The following DCC variants were observed in gnomAD, a reference collection of about 807,000 sequenced individuals.
DCC encodes netrin receptor DCC.
A neutral mutation model predicts 172.5 loss-of-function variants in DCC; 58 were observed. The observed-to-expected ratio is 0.34, with a 90% confidence interval of 0.27 to 0.42. The LOEUF is 0.42. Ranked by LOEUF, DCC falls within the 10% of genes least tolerant of loss-of-function variation. The probability of loss-of-function intolerance (pLI) is 1.00; values close to 1 mark genes in which losing one functional copy is unlikely to be tolerated. For missense variants in DCC, 1,740 were observed against 1,791.0 expected, an observed-to-expected ratio of 0.97 and a Z score of 0.51; for synonymous variants, 709 against 644.5, an observed-to-expected ratio of 1.10 and a Z score of -1.52.
chr18:53,059,101 C>T (rs765221730), intron 5 of DCC, among the ~76,000 whole-genome samples: 4 of 151,876 alleles, frequency 2.6e-5, no homozygotes, highest in African/African-American at 9.7e-5. Context: ...AAGTGTGGAG[C>T]CAAAGGGGGA....
chr18:52,878,486 C>G (rs2145398755), intron 2 of DCC, among the ~76,000 whole-genome samples: 1 of 152,166 alleles, frequency 6.6e-6, no homozygotes, highest in Admixed American at 6.5e-5. Context: ...CCCAAGGTAT[C>G]CTCATATTTA....
intron 25 of DCC, among the ~76,000 whole-genome samples, chr18:53,481,528 A>C (rs2045831684): frequency 6.6e-6 from 1 of 152,168 alleles, no homozygotes; most frequent in Admixed American, 6.6e-5. Context: ...ATAGAGGCTA[A>C]ATTTCCAAAT....
At chr18:52,687,580 G>A (rs939197026) in intron 1 of DCC, among the ~76,000 whole-genome samples, 3 of 152,072 alleles carry the variant, frequency 2.0e-5, no homozygotes, top group African/African-American at 7.2e-5. Context: ...TATTTTTAAA[G>A]TGTGTAGATA....
At chr18:52,944,890 A>T (rs1318476834) in intron 5 of DCC, among the ~76,000 whole-genome samples, 1 of 152,178 alleles carries the variant, frequency 6.6e-6, no homozygotes, top group East Asian at 1.9e-4. Context: ...GAGTATCCAA[A>T]GTTTTAGTTG....
intron 7 of DCC, among the ~76,000 whole-genome samples, chr18:53,092,871 G>A (rs2043034050): frequency 6.6e-6 from 1 of 151,296 alleles, no homozygotes; most frequent in African/African-American, 2.5e-5. Context: ...ATTCAAACAT[G>A]TACACACACA....
At chr18:53,039,701 G>A (rs1347237202) in intron 5 of DCC, among the ~76,000 whole-genome samples, 2 of 151,836 alleles carry the variant, frequency 1.3e-5, no homozygotes, top group African/African-American at 4.8e-5. Context: ...TAGGTTATTG[G>A]TCATTATGTC....
chr18:53,140,174 T>C (rs1435278217), intron 7 of DCC, among the ~76,000 whole-genome samples: 1 of 152,226 alleles, frequency 6.6e-6, no homozygotes, highest in Non-Finnish European at 1.5e-5. Context: ...ATTCTTTTCA[T>C]ATCCTTCAAA....
chr18:53,059,894 A>C (rs1434834488), intron 5 of DCC, among the ~76,000 whole-genome samples: 2 of 152,102 alleles, frequency 1.3e-5, no homozygotes, highest in Admixed American at 6.6e-5. Flanking sequence ...GCATTGTACT[A>C]GGCATTGAGA....
rs187201464 is a variant in DCC, at chr18:52,478,481, A to G, written c.91+137603A>G. Among the ~76,000 whole-genome samples, 7 of 152,312 alleles carry G rather than the reference A, an allele frequency of 4.6e-5. No individual in the cohort carries two copies. In the East Asian group the frequency reaches 9.6e-4, roughly 21 times the overall value. On this transcript the variant is annotated intron_variant, in intron 1 of 28. Coordinates refer to ENST00000442544, the MANE Select transcript of DCC (RefSeq NM_005215.4). ...GTTCAGTGTTTACTGGGCACTTATTATATGCAAAGGCACTGTATTAGGCCA... is the reference window on the plus strand; with the variant it reads ...GTTCAGTGTTTACTGGGCACTTATTGTATGCAAAGGCACTGTATTAGGCCA...
chr18:52,711,515 C>T (rs1423059960), intron 1 of DCC, among the ~76,000 whole-genome samples: 1 of 152,196 alleles, frequency 6.6e-6, no homozygotes, highest in Non-Finnish European at 1.5e-5. Flanking sequence ...CATTACAAAT[C>T]TATCATAGAG....
intron 12 of DCC, among the ~76,000 whole-genome samples, chr18:53,255,256 G>A (rs1257521323): frequency 6.6e-6 from 1 of 151,042 alleles, no homozygotes; most frequent in Admixed American, 6.6e-5. Context: ...GGGTACATGT[G>A]CACAACATGC....
chr18:53,501,572 T>C (rs1421901723), intron 27 of DCC, among the ~76,000 whole-genome samples: 1 of 152,238 alleles, frequency 6.6e-6, no homozygotes, highest in African/African-American at 2.4e-5. Context: ...GGTAAGAACC[T>C]TAACTATTCT....
At chr18:52,387,784 A>G (rs1368737772) in intron 1 of DCC, among the ~76,000 whole-genome samples, 3 of 152,104 alleles carry the variant, frequency 2.0e-5, no homozygotes, top group African/African-American at 7.2e-5. Flanking sequence ...ATTCTGCTGC[A>G]ATGAATGGGA....
At chr18:53,139,344 T>C (rs1023756505) in intron 7 of DCC, among the ~76,000 whole-genome samples, 3 of 152,116 alleles carry the variant, frequency 2.0e-5, no homozygotes, top group African/African-American at 7.2e-5. Context: ...CCTACCTTAC[T>C]GAAAGAGGAA....
intron 1 of DCC, among the ~76,000 whole-genome samples, chr18:52,496,426 A>G (rs1194879857): frequency 6.6e-6 from 1 of 152,202 alleles, no homozygotes; most frequent in Non-Finnish European, 1.5e-5. Flanking sequence ...TGTGGGTTGA[A>G]TATAGTCAAA....
chr18:52,738,143 C>T (rs2036757231), intron 1 of DCC, among the ~76,000 whole-genome samples: 1 of 152,124 alleles, frequency 6.6e-6, no homozygotes, highest in South Asian at 2.1e-4. Context: ...GTTTGCCTTA[C>T]CACTGTCTCA....
intron 5 of DCC, among the ~76,000 whole-genome samples, chr18:52,963,306 G>GA (rs201952790): frequency 6.7e-5 from 10 of 149,638 alleles, no homozygotes; most frequent in South Asian, 6.4e-4. Context: ...GATTTATGTG[G>GA]AAAAAAAAAG....
intron 2 of DCC, among the ~76,000 whole-genome samples, chr18:52,821,214 A>G (rs896840098): frequency 3.3e-5 from 5 of 152,250 alleles, no homozygotes; most frequent in Admixed American, 2.6e-4. Flanking sequence ...ATCTATGCCA[A>G]TGGCTCCACT....
intron 5 of DCC, among the ~76,000 whole-genome samples, chr18:52,935,268 C>G (rs1270678751): frequency 6.6e-6 from 1 of 151,874 alleles, no homozygotes; most frequent in South Asian, 2.1e-4. Flanking sequence ...AATTTGATGT[C>G]CTTTCATCTT....
Sources: allele counts gnomAD v4.1 joint callset (sites outside exome capture counted in the v4.1 genomes callset), GRCh38; gene constraint gnomAD v4.1.1; transcripts MANE v1.5; gene names NCBI Gene and HGNC (gene_info 2026-07-23, HGNC 2026-07-21).